Variants in PTPRN2 observed in about 807,000 individuals in gnomAD.
PTPRN2 encodes receptor-type tyrosine-protein phosphatase N2.
A neutral mutation model predicts 118.8 loss-of-function variants in PTPRN2; 74 were observed. That is an observed-to-expected ratio of 0.62 (90% confidence interval 0.52 to 0.76). The LOEUF (loss-of-function observed/expected upper bound fraction) is 0.76, where lower values mean the gene tolerates loss of function less well. Ranked by LOEUF, PTPRN2 falls within the 30% of genes least tolerant of loss-of-function variation. PTPRN2 has a pLI of 0.00. For missense variants in PTPRN2, 1,481 were observed against 1,394.4 expected, an observed-to-expected ratio of 1.06 and a Z score of -0.99; for synonymous variants, 641 against 608.0, an observed-to-expected ratio of 1.05 and a Z score of -0.80.
chr7:158,251,051 G>T (rs1796622141), intron 3 of PTPRN2, among the ~76,000 whole-genome samples: 1 of 152,088 alleles, frequency 6.6e-6, no homozygotes, highest in African/African-American at 2.4e-5. Context: ...GACTCTAGGA[G>T]ACAATTCCCT....
intron 3 of PTPRN2, among the ~76,000 whole-genome samples, chr7:158,245,236 CGG>C (rs1796162746): frequency 2.0e-5 from 3 of 148,850 alleles, no homozygotes; most frequent in African/African-American, 7.4e-5. Flanking sequence ...ATGGCCATGC[CGG>C]AATCCGTGGT....
At chr7:158,547,218 T>G (rs1223341015) in intron 1 of PTPRN2, among the ~76,000 whole-genome samples, 1 of 152,136 alleles carries the variant, frequency 6.6e-6, no homozygotes, top group African/African-American at 2.4e-5. Flanking sequence ...TAATATACAA[T>G]TCTGTGGCAT....
At chr7:158,006,449 C>T (rs542082256) in intron 11 of PTPRN2, among the ~76,000 whole-genome samples, 23 of 152,358 alleles carry the variant, frequency 1.5e-4, no homozygotes, top group African/African-American at 4.3e-4. Flanking sequence ...GACCTCCTGC[C>T]ATCCTGAGCC....
chr7:158,584,836 G>A (rs1049539597), intron 1 of PTPRN2, among the ~76,000 whole-genome samples: 4 of 152,112 alleles, frequency 2.6e-5, no homozygotes, highest in African/African-American at 9.7e-5. Flanking sequence ...CATGAGAAAG[G>A]CCCCTTGCTC....
intron 1 of PTPRN2, among the ~76,000 whole-genome samples, chr7:158,561,287 C>A (rs1827366293): frequency 6.6e-6 from 1 of 152,132 alleles, no homozygotes; most frequent in Non-Finnish European, 1.5e-5. Context: ...TTCTGTAACA[C>A]CCGTTGCCTT....
chr7:158,115,563 G>C (rs1156609666), intron 9 of PTPRN2, among the ~76,000 whole-genome samples: 1 of 152,074 alleles, frequency 6.6e-6, no homozygotes, highest in African/African-American at 2.4e-5. Context: ...TGAGGGTGGA[G>C]TCTCCTAATG....
At chr7:158,070,309 TG>T in intron 11 of PTPRN2, among the ~76,000 whole-genome samples, 4 of 149,046 alleles carry the variant, frequency 2.7e-5, no homozygotes, top group African/African-American at 7.6e-5. Context: ...GAGGTGCTCC[TG>T]GTGGTGGAGG....
chr7:157,776,821 C>T (rs1803335148), intron 12 of PTPRN2, among the ~76,000 whole-genome samples: 1 of 7,546 alleles, frequency 1.3e-4, no homozygotes, highest in Non-Finnish European at 3.5e-4. Context: ...ACTTCCTCCT[C>T]CCTCTCCTCC....
intron 6 of PTPRN2, among the ~76,000 whole-genome samples, chr7:158,156,659 G>C (rs147633390): frequency 6.6e-6 from 1 of 152,194 alleles, no homozygotes; most frequent in South Asian, 2.1e-4. Flanking sequence ...TGCATAGAAC[G>C]CCCTGGGGCT....
chr7:158,223,818 T>A (rs528039830), intron 3 of PTPRN2, among the ~76,000 whole-genome samples: 1 of 151,620 alleles, frequency 6.6e-6, no homozygotes, highest in African/African-American at 2.4e-5. Flanking sequence ...GCCAGTGCAA[T>A]AGGGCAAGAT....
intron 10 of PTPRN2, among the ~76,000 whole-genome samples, chr7:158,092,383 T>C (rs1018110121): frequency 4.0e-5 from 6 of 149,402 alleles, no homozygotes; most frequent in Non-Finnish European, 1.5e-5. Flanking sequence ...GGTAGAGAGG[T>C]GGATAAGTGG....
chr7:157,999,727 G>T (rs1373178835), intron 11 of PTPRN2, among the ~76,000 whole-genome samples: 1 of 152,188 alleles, frequency 6.6e-6, no homozygotes, highest in Non-Finnish European at 1.5e-5. Context: ...ACATCAAGGT[G>T]GGGGTGTGGG....
intron 12 of PTPRN2, among the ~76,000 whole-genome samples, chr7:157,697,339 A>G (rs375242919): frequency 4.5e-3 from 377 of 83,006 alleles, no homozygotes; most frequent in Middle Eastern, 9.8e-3. Flanking sequence ...TGCATACTGG[A>G]TCTTAGTAGA....
At chr7:158,393,135 T>C (rs570516431) in intron 2 of PTPRN2, among the ~76,000 whole-genome samples, 2 of 152,124 alleles carry the variant, frequency 1.3e-5, no homozygotes, top group African/African-American at 4.8e-5. Context: ...GAAAGGAGAC[T>C]GGGCAGGAAG....
intron 11 of PTPRN2, among the ~76,000 whole-genome samples, chr7:158,060,886 AAGTT>A (rs1563375269): frequency 6.6e-6 from 1 of 152,208 alleles, no homozygotes; most frequent in Non-Finnish European, 1.5e-5. Context: ...TTTGAATCGA[AAGTT>A]TCCTTTATTA....
intron 3 of PTPRN2, among the ~76,000 whole-genome samples, chr7:158,315,415 A>G (rs1802230463): frequency 6.6e-6 from 1 of 151,314 alleles, no homozygotes; most frequent in Non-Finnish European, 1.5e-5. Context: ...GGACGCCCTC[A>G]AGGACAGAGG....
At chr7:158,337,390 T>TG (rs1805843784) in intron 2 of PTPRN2, among the ~76,000 whole-genome samples, 11 of 104,706 alleles carry the variant, frequency 1.1e-4, no homozygotes, top group African/African-American at 3.3e-4. Context: ...CCATAAGAGG[T>TG]AACACCTGCA....
intron 2 of PTPRN2, among the ~76,000 whole-genome samples, chr7:158,435,227 T>C (rs2129431112): frequency 6.6e-6 from 1 of 152,302 alleles, no homozygotes; most frequent in East Asian, 1.9e-4. Context: ...CCAAAATGTA[T>C]AAGGAACTGC....
chr7:158,557,869 G>A (rs908845699), intron 1 of PTPRN2, among the ~76,000 whole-genome samples: 29 of 152,254 alleles, frequency 1.9e-4, no homozygotes, highest in African/African-American at 5.5e-4. Context: ...GAGGCACCTC[G>A]CCCTCTTCCC....
Sources: gnomAD v4.1 joint callset for allele counts (sites outside exome capture counted in the v4.1 genomes callset) on GRCh38, gnomAD v4.1.1 for gene constraint, MANE v1.5 for transcripts, NCBI Gene and HGNC (gene_info 2026-07-23, HGNC 2026-07-21) for gene names.